The following DOCK10 variants were observed in gnomAD, a reference collection of about 807,000 sequenced individuals.
The protein encoded by DOCK10 is dedicator of cytokinesis protein 10.
In DOCK10, 145 loss-of-function variants were observed where a neutral mutation model predicts 280.1. The observed-to-expected ratio is 0.52, with a 90% CI of 0.45 to 0.59. The LOEUF (loss-of-function observed/expected upper bound fraction) is 0.59. Among genes scored for constraint, DOCK10 ranks in the 20% least tolerant of loss-of-function variants. The pLI, the probability that DOCK10 is intolerant of heterozygous loss-of-function variation, is 0.00. For missense variants in DOCK10, 2,368 were observed against 2,651.7 expected, an observed-to-expected ratio of 0.89 and a Z score of 2.35; for synonymous variants, 915 against 942.2, an observed-to-expected ratio of 0.97 and a Z score of 0.53.
At chr2:224,984,933 C>T (rs1705927538) in intron 1 of DOCK10, among the ~76,000 whole-genome samples, 1 of 151,826 alleles carries the variant, frequency 6.6e-6, no homozygotes, top group African/African-American at 2.4e-5. Flanking sequence ...CCTCGGCCTC[C>T]CAGGTTCAAG....
intron 2 of DOCK10, among the ~76,000 whole-genome samples, chr2:224,927,415 C>T (rs1213707895): frequency 2.6e-5 from 4 of 152,004 alleles, no homozygotes; most frequent in Non-Finnish European, 5.9e-5. Flanking sequence ...TGTGTGTGAA[C>T]GAATCAAAGC....
intron 1 of DOCK10, among the ~76,000 whole-genome samples, chr2:224,968,102 G>GA (rs948678021): frequency 2.6e-5 from 4 of 152,080 alleles, no homozygotes; most frequent in African/African-American, 9.7e-5. Flanking sequence ...ACCATTTGGA[G>GA]AAAAAAACAA....
At chr2:224,896,032 A>G (rs892277274) in intron 4 of DOCK10, among the ~76,000 whole-genome samples, 3 of 152,206 alleles carry the variant, frequency 2.0e-5, no homozygotes, top group Non-Finnish European at 4.4e-5. Flanking sequence ...AGCTCACAGA[A>G]TAATAATACA....
intron 1 of DOCK10, among the ~76,000 whole-genome samples, chr2:224,942,055 T>C (rs1703120265): frequency 6.6e-6 from 1 of 152,204 alleles, no homozygotes; most frequent in Non-Finnish European, 1.5e-5. Context: ...CCTGTCCCTG[T>C]TGCTACTCTT....
At chr2:224,886,312 A>G (rs563517926) in intron 5 of DOCK10, 127 bp from the exon 6 acceptor site, 1 of 1,497,038 alleles carries the variant, frequency 6.7e-7, no homozygotes, top group Admixed American at 1.9e-5. Flanking sequence ...CAATTTCAAA[A>G]CAAACGTGAC....
intron 4 of DOCK10, among the ~76,000 whole-genome samples, chr2:224,891,763 T>G (rs994418724): frequency 1.3e-5 from 2 of 152,308 alleles, no homozygotes; most frequent in Middle Eastern, 3.4e-3. Flanking sequence ...CTTTTAAAAA[T>G]TATGCAGACC....
At chr2:224,917,101 C>CTTTTCTTTTT (rs1701375461) in intron 2 of DOCK10, among the ~76,000 whole-genome samples, 1 of 95,774 alleles carries the variant, frequency 1.0e-5, no homozygotes, top group Non-Finnish European at 1.9e-5. Flanking sequence ...CTATTGGAAT[C>CTTTTCTTTTT]TTTTTTTTTT....
intron 27 of DOCK10, among the ~76,000 whole-genome samples, chr2:224,827,801 G>A (rs1173620442): frequency 6.6e-6 from 1 of 152,150 alleles, no homozygotes; most frequent in Non-Finnish European, 1.5e-5. Context: ...TAGGATTTGC[G>A]AGTTAAGAGT....
chr2:224,877,482 T>C (rs1698707437), intron 7 of DOCK10, among the ~76,000 whole-genome samples: 1 of 118,476 alleles, frequency 8.4e-6, no homozygotes, highest in African/African-American at 3.5e-5. Context: ...GTTCCTATTC[T>C]ATTGGAATAG....
At chr2:224,999,569 T>C (rs1326713963) in intron 1 of DOCK10, among the ~76,000 whole-genome samples, 1 of 151,910 alleles carries the variant, frequency 6.6e-6, no homozygotes, top group African/African-American at 2.4e-5. Flanking sequence ...TAGTCTGTGC[T>C]AGACAATATC....
At chr2:224,864,513 A>C (rs1697736372) in intron 13 of DOCK10, 40 bp downstream of exon 13, 2 of 1,505,720 alleles carry the variant, frequency 1.3e-6, no homozygotes, top group Non-Finnish European at 1.8e-6. Context: ...CTATTAAAAA[A>C]AAAAAAGGAA....
intron 24 of DOCK10, among the ~76,000 whole-genome samples, chr2:224,839,720 C>T (rs1254735219): frequency 2.0e-5 from 3 of 152,030 alleles, no homozygotes; most frequent in African/African-American, 7.2e-5. Context: ...ATGAATCTAC[C>T]GTGATCTCAA....
intron 7 of DOCK10, among the ~76,000 whole-genome samples, chr2:224,878,625 GA>G (rs1199044199): frequency 6.6e-6 from 1 of 152,206 alleles, no homozygotes; most frequent in African/African-American, 2.4e-5. Flanking sequence ...ATAGTCTTGA[GA>G]AAAAGTAAAG....
chr2:224,877,783 T>G (rs1353502917), intron 7 of DOCK10, among the ~76,000 whole-genome samples: 1 of 152,220 alleles, frequency 6.6e-6, no homozygotes, highest in Non-Finnish European at 1.5e-5. Flanking sequence ...ATTCCTGGTA[T>G]GAGATTGGAA....
At chr2:224,975,841 C>T (rs181752009) in intron 1 of DOCK10, among the ~76,000 whole-genome samples, 33 of 152,164 alleles carry the variant, frequency 2.2e-4, no homozygotes, top group Non-Finnish European at 3.7e-4. Flanking sequence ...GTGGGGGACC[C>T]GAATGTGGGG....
Position 224,856,925 on chromosome 2 carries a change from C to T in DOCK10, c.1743G>A (p.Leu581=). Residue 581 remains leucine (L), a synonymous_variant, in exon 15 of 56, where the codon TTG becomes TTA. Coordinates refer to ENST00000258390, the MANE Select transcript of DOCK10 (RefSeq NM_014689.3). ...AAATCTTGCTACTTTCTTGTCTAAACAATGGTGAAAATCTTGAGTCTCTGT... is the reference window on the plus strand; with the variant it reads ...AAATCTTGCTACTTTCTTGTCTAAATAATGGTGAAAATCTTGAGTCTCTGT... ...NVDRDSRFSP[L]FRQESSKIST... 6.2e-7 allele frequency: 1 copy of T among 1,612,400 alleles called. No homozygotes were observed. Among genetic ancestry groups the T allele is most frequent in the East Asian group, 2.2e-5 (1 of 44,776 alleles).
intron 1 of DOCK10, among the ~76,000 whole-genome samples, chr2:225,012,148 G>T (rs1178269379): frequency 1.3e-5 from 2 of 152,150 alleles, no homozygotes; most frequent in South Asian, 2.1e-4. Context: ...ATTTCCTCTG[G>T]CTATGCTAAG....
At chr2:224,809,110 G>C (rs933251621) in intron 31 of DOCK10, among the ~76,000 whole-genome samples, 1 of 152,230 alleles carries the variant, frequency 6.6e-6, no homozygotes, top group South Asian at 2.1e-4. Context: ...CTGAATTATA[G>C]AGAAAAGGCC....
At chr2:224,824,193 G>A (rs1449307585) in intron 27 of DOCK10, among the ~76,000 whole-genome samples, 1 of 152,106 alleles carries the variant, frequency 6.6e-6, no homozygotes, top group Non-Finnish European at 1.5e-5. Context: ...CATTTGGTGA[G>A]TCCCAGCTAG....
Sources: gnomAD v4.1 joint callset for allele counts (sites outside exome capture counted in the v4.1 genomes callset) on GRCh38, gnomAD v4.1.1 for gene constraint, MANE v1.5 for transcripts, NCBI Gene and HGNC (gene_info 2026-07-23, HGNC 2026-07-21) for gene names.